Variants in NKAP observed in about 807,000 individuals in gnomAD.
NKAP encodes the protein NFKB activating protein.
A neutral mutation model predicts 35.6 loss-of-function variants in NKAP; 4 were observed. That is an observed-to-expected ratio of 0.11 (90% CI 0.06 to 0.26). NKAP has a LOEUF of 0.26. NKAP is among the 10% of genes least tolerant of loss of function. The pLI is 1.00. For missense variants in NKAP, 238 were observed against 321.9 expected, an observed-to-expected ratio of 0.74 and a Z score of 1.99; for synonymous variants, 106 against 119.2, an observed-to-expected ratio of 0.89 and a Z score of 0.72.
intron 1 of NKAP, among the ~76,000 whole-genome samples, chrX:119,939,759 C>T (rs781260741): frequency 3.4e-4 from 36 of 106,579 alleles, no homozygotes; most frequent in African/African-American, 1.2e-3. Context: ...ATTAGCCAGG[C>T]GTGGTGGCGC....
At chrX:119,942,122 G>C (rs1367940142) in intron 1 of NKAP, among the ~76,000 whole-genome samples, 3 of 111,716 alleles carry the variant, frequency 2.7e-5, no homozygotes, top group Admixed American at 9.6e-5. Flanking sequence ...CAACAGTTGG[G>C]AGATGTCTTG....
intron 7 of NKAP, among the ~76,000 whole-genome samples, chrX:119,931,147 T>C (rs775504132): frequency 9.7e-6 from 1 of 103,533 alleles, no homozygotes; most frequent in Admixed American, 1.1e-4. Flanking sequence ...ATCACACCAC[T>C]GTGCTTCAGC....
At chrX:119,941,654 C>G (rs1350581818) in intron 1 of NKAP, among the ~76,000 whole-genome samples, 5 of 111,063 alleles carry the variant, frequency 4.5e-5, no homozygotes, top group Non-Finnish European at 7.5e-5. Flanking sequence ...GAGACAGCAT[C>G]TCCCTCTGTC....
intron 1 of NKAP, among the ~76,000 whole-genome samples, chrX:119,940,235 A>G (rs764392373): frequency 1.9e-4 from 21 of 109,022 alleles, no homozygotes; most frequent in African/African-American, 7.0e-4. Flanking sequence ...GCTATTCAGA[A>G]GGCTGAGGCT....
chrX:119,928,496 T>A (rs923944171), intron 8 of NKAP, among the ~76,000 whole-genome samples: 15 of 112,516 alleles, frequency 1.3e-4, no homozygotes, highest in Non-Finnish European at 1.9e-5. Context: ...TCATTTATAA[T>A]TTATCTGGAG....
chrX:119,931,900 A>G, intron 7 of NKAP, 36 bp downstream of exon 7: 1 of 1,058,114 alleles, frequency 9.5e-7, no homozygotes, highest in South Asian at 2.0e-5. Flanking sequence ...ACTTTTTGGT[A>G]GGTACTTTAG....
At chrX:119,942,318 A>G (rs1457156451) in intron 1 of NKAP, among the ~76,000 whole-genome samples, 2 of 110,498 alleles carry the variant, frequency 1.8e-5, no homozygotes, top group Non-Finnish European at 3.8e-5. Flanking sequence ...ACCAAAAAAT[A>G]CGAAAATAAG....
At position 119,922,116 on chromosome X, in the gene NKAP, A is replaced by G. The variant is rs2056690567; in HGVS notation, c.*3104T>C. ...CTCGGCCTCCCAAAGTGCTGGGATT[A>G]TAGGTGTGAGCCACCACGCCCAGCT... On this transcript the variant is annotated 3_prime_UTR_variant, in exon 9 of 9. Transcript: ENST00000371410. 8.9e-6 allele frequency: 1 copy of G among 111,815 alleles called. No homozygotes were observed. Among genetic ancestry groups the G allele is most frequent in the African/African-American group, 3.2e-5 (1 of 30,846 alleles). 9.2% of individuals were successfully genotyped at this position (111,815 alleles called of 1,213,427 possible). A position where few individuals can be genotyped will look rare whatever the true frequency, so the allele number is the denominator to read the frequency against.
Position 119,943,563 on chromosome X carries a change from A to C in NKAP, c.43T>G (p.Ser15Ala), listed in dbSNP as rs1243828719. 6 of 1,197,931 alleles carry C rather than the reference A, an allele frequency of 5.0e-6. No individual in the cohort carries two copies. Among genetic ancestry groups the C allele is most frequent in the Non-Finnish European group, 6.8e-6 (6 of 887,716 alleles). ...SGSRSPDREASGSGGRRRSSS... is the reference protein window; with the variant it reads ...SGSRSPDREAAGSGGRRRSSS... ...CTGCGACGTCTTCCCCCCGAGCCCG[A>C]GGCCTCCCTATCCGGGCTGCGTGAG... Residue 15 changes from serine to alanine, a missense_variant, in exon 1 of 9, where the codon TCG becomes GCG. Physicochemically the swap from Ser to Ala is moderately conservative, Grantham distance 99 (BLOSUM62 1). Transcript: ENST00000371410.
In NKAP at chrX:119,943,202, T is replaced by C. The variant is rs1215228830; in HGVS notation, c.386+18A>G. On this transcript the variant is annotated intron_variant, in intron 1 of 8. Transcript: ENST00000371410. ...GCACGTAGGCTCGTACAAGAGAAAG[T>C]GCGGCCGTCTCACTCACTTCTGCCG... 1 of 1,159,633 alleles carries C rather than the reference T, an allele frequency of 8.6e-7. No individual in the cohort carries two copies. Among genetic ancestry groups the C allele is most frequent in the South Asian group, 2.0e-5 (1 of 50,066 alleles).
At position 119,943,555 on chromosome X, in the gene NKAP, C is replaced by G. The variant is rs760600768; in HGVS notation, c.51G>C (p.Ser17=). The part of the protein sequence containing the change: ...SRSPDREASG[S]GGRRRSSSKS... Reference sequence around the variant, plus strand: ...TCGACGAACTGCGACGTCTTCCCCCCGAGCCCGAGGCCTCCCTATCCGGGC... The same window carrying G: ...TCGACGAACTGCGACGTCTTCCCCCGGAGCCCGAGGCCTCCCTATCCGGGC... Residue 17 remains serine, a synonymous_variant, in exon 1 of 9, where the codon TCG becomes TCC. Transcript: ENST00000371410. 8 of 1,202,631 alleles carry G rather than the reference C, an allele frequency of 6.7e-6. No individual in the cohort carries two copies. Among genetic ancestry groups the G allele is most frequent in the Non-Finnish European group, 9.0e-6 (8 of 889,679 alleles).
intron 5 of NKAP, among the ~76,000 whole-genome samples, chrX:119,933,953 A>G (rs1346279876): frequency 8.9e-6 from 1 of 111,801 alleles, no homozygotes; most frequent in Non-Finnish European, 1.9e-5. Flanking sequence ...AAAAAACAAA[A>G]CAAAACAAAA....
chrX:119,925,827 C>A (rs775953675), intron 8 of NKAP, among the ~76,000 whole-genome samples: 1 of 109,145 alleles, frequency 9.2e-6, no homozygotes, highest in African/African-American at 3.3e-5. Flanking sequence ...AGATTACAGG[C>A]GTGAGCCACC....
At chrX:119,926,215 C>G (rs2056712716) in intron 8 of NKAP, among the ~76,000 whole-genome samples, 1 of 106,067 alleles carries the variant, frequency 9.4e-6, no homozygotes, top group South Asian at 4.3e-4. Context: ...CTCGGCCTCC[C>G]AAAGTGCTGG....
chrX:119,932,058 T>G, intron 6 of NKAP, 47 bp from the exon 7 acceptor site: 2 of 1,180,409 alleles, frequency 1.7e-6, no homozygotes, highest in Non-Finnish European at 2.3e-6. Flanking sequence ...GACTAATTGG[T>G]TACTTTAATG....
rs777728332 is a variant in NKAP at position 119,925,528 on chromosome X, C to A, written c.1074-134G>T. 7.4e-5 allele frequency: 46 copies of A among 617,941 alleles called. No individual in the cohort carries two copies. In the East Asian group the frequency reaches 1.6e-3, roughly 22 times the overall value. 50.9% of individuals were successfully genotyped at this position (617,941 alleles called of 1,213,427 possible). A position where few individuals can be genotyped will look rare whatever the true frequency, so the allele number is the denominator to read the frequency against. ...GAAATGGGTTAAATTTCCAAAAGAT[C>A]ATTTATTAATATTTTAGCTGCCTGA... On this transcript the variant is annotated intron_variant, in intron 8 of 8. Coordinates refer to ENST00000371410, the MANE Select transcript of NKAP (RefSeq NM_024528.4).
intron 8 of NKAP, among the ~76,000 whole-genome samples, chrX:119,928,066 A>G (rs1232000116): frequency 8.9e-6 from 1 of 112,318 alleles, no homozygotes; most frequent in East Asian, 2.8e-4. Context: ...TCTCATAAAC[A>G]ACTGTGTTGT....
chrX:119,943,634 G>A lies in NKAP; in HGVS notation c.-29C>T, dbSNP rs749453839. ...TACTGGGGGGCCCCAGCAGCCGTGG[G>A]ACAAGGGGGCGCTCTCGCGAGCCTA... On this transcript the variant is annotated 5_prime_UTR_variant, in exon 1 of 9. Transcript: ENST00000371410. 13 of 1,140,708 alleles carry A rather than the reference G, an allele frequency of 1.1e-5. No individual in the cohort carries two copies. Among genetic ancestry groups the A allele is most frequent in the Admixed American group, 2.8e-5 (1 of 35,400 alleles). 94.0% of individuals were successfully genotyped at this position (1,140,708 alleles called of 1,213,427 possible).
chrX:119,925,931 T>TTTTC (rs200189149), intron 8 of NKAP, among the ~76,000 whole-genome samples: 22,580 of 74,652 alleles, frequency 0.3, 2,470 homozygotes, highest in Middle Eastern at 0.33. Flanking sequence ...CCTTTTTTCT[T>TTTTC]TTTTTTTTTT....
Sources: allele counts gnomAD v4.1 joint callset (sites outside exome capture counted in the v4.1 genomes callset), GRCh38; gene constraint gnomAD v4.1.1; transcripts MANE v1.5; gene names NCBI Gene and HGNC (gene_info 2026-07-23, HGNC 2026-07-21).